The following PRKCH variants were observed in gnomAD, a reference collection of about 807,000 sequenced individuals.
The protein encoded by PRKCH is protein kinase C eta, also known as protein kinase C eta type.
A neutral mutation model predicts 82.5 loss-of-function variants in PRKCH; 28 were observed. The ratio of observed to expected loss-of-function variants is 0.34; its 90% CI spans 0.25 to 0.47. The LOEUF (loss-of-function observed/expected upper bound fraction) is 0.47, where lower values mean the gene tolerates loss of function less well. PRKCH is among the 20% of genes least tolerant of loss of function. The pLI, the probability that PRKCH is intolerant of heterozygous loss-of-function variation, is 1.00. For synonymous variants in PRKCH, 322 were observed against 327.4 expected (o/e 0.98, Z 0.18); for missense variants, 705 against 881.8 (o/e 0.80, Z 2.54).
At chr14:61,335,273 AC>A (rs2045842178) in intron 1 of PRKCH, among the ~76,000 whole-genome samples, 1 of 151,854 alleles carries the variant, frequency 6.6e-6, no homozygotes, top group Non-Finnish European at 1.5e-5. Context: ...AGTTATCTCT[AC>A]CCCCTTCAGT....
At chr14:61,190,724 C>T (rs1182753239) in intron 1 of PRKCH, among the ~76,000 whole-genome samples, 1 of 152,142 alleles carries the variant, frequency 6.6e-6, no homozygotes, top group Non-Finnish European at 1.5e-5. Context: ...CAGGACGCTC[C>T]CCGCTCTGAG....
chr14:61,252,312 G>T (rs1205814041), intron 1 of PRKCH, among the ~76,000 whole-genome samples: 1 of 152,282 alleles, frequency 6.6e-6, no homozygotes, highest in East Asian at 1.9e-4. Flanking sequence ...CTTGCTCTGT[G>T]GGGAGGAAGG....
intron 7 of PRKCH, among the ~76,000 whole-genome samples, chr14:61,456,015 A>G (rs994333209): frequency 6.6e-6 from 1 of 152,232 alleles, no homozygotes; most frequent in African/African-American, 2.4e-5. Flanking sequence ...CTTCAAAATT[A>G]GCACTTTGGC....
At chr14:61,534,223 A>C (rs2043078722) in intron 12 of PRKCH, among the ~76,000 whole-genome samples, 1 of 152,186 alleles carries the variant, frequency 6.6e-6, no homozygotes, top group Non-Finnish European at 1.5e-5. Context: ...TATTTACCCA[A>C]AAGAATTGAA....
intron 9 of PRKCH, among the ~76,000 whole-genome samples, chr14:61,461,409 G>A (rs1034909373): frequency 1.3e-5 from 2 of 152,204 alleles, no homozygotes; most frequent in East Asian, 1.9e-4. Context: ...GGTTTCAAGC[G>A]CCAGCCTCCT....
At chr14:61,241,233 G>A (rs1000037171) in intron 1 of PRKCH, among the ~76,000 whole-genome samples, 4 of 152,190 alleles carry the variant, frequency 2.6e-5, no homozygotes, top group African/African-American at 9.7e-5. Context: ...TGTGAGGAAG[G>A]GGCACAGAAT....
intron 1 of PRKCH, among the ~76,000 whole-genome samples, chr14:61,239,992 G>A (rs1054047527): frequency 1.3e-5 from 2 of 152,082 alleles, no homozygotes; most frequent in African/African-American, 4.8e-5. Flanking sequence ...ATTTCTTTAT[G>A]CATCCAGCAA....
At chr14:61,245,398 C>T (rs1365533007) in intron 1 of PRKCH, among the ~76,000 whole-genome samples, 2 of 152,172 alleles carry the variant, frequency 1.3e-5, no homozygotes, top group Non-Finnish European at 2.9e-5. Context: ...CCTACTCTTA[C>T]CTTGATGCAA....
intron 1 of PRKCH, among the ~76,000 whole-genome samples, chr14:61,342,474 G>A (rs2045941103): frequency 6.6e-6 from 1 of 152,126 alleles, no homozygotes. Context: ...CTGCATATAT[G>A]TGAAGCTAAT....
intron 1 of PRKCH, among the ~76,000 whole-genome samples, chr14:61,297,067 G>A (rs574195795): frequency 6.6e-6 from 1 of 152,204 alleles, no homozygotes; most frequent in East Asian, 1.9e-4. Context: ...TATTATTTCA[G>A]TTCTGATTCC....
At chr14:61,198,930 A>T (rs773536378) in intron 1 of PRKCH, among the ~76,000 whole-genome samples, 9 of 152,074 alleles carry the variant, frequency 5.9e-5, no homozygotes, top group Admixed American at 1.3e-4. Flanking sequence ...AGCCTGTGTC[A>T]CTCATGGACA....
At chr14:61,376,955 T>C (rs2046435211) in intron 1 of PRKCH, among the ~76,000 whole-genome samples, 2 of 152,216 alleles carry the variant, frequency 1.3e-5, no homozygotes, top group Non-Finnish European at 2.9e-5. Flanking sequence ...GGGTAAATTT[T>C]AGAGGTGTAA....
intron 2 of PRKCH, among the ~76,000 whole-genome samples, chr14:61,438,212 CA>C (rs914842868): frequency 6.6e-6 from 1 of 152,132 alleles, no homozygotes; most frequent in Non-Finnish European, 1.5e-5. Flanking sequence ...CAGCCTCAAC[CA>C]CCAAACTCTC....
At chr14:61,368,089 G>A (rs2046320371) in intron 1 of PRKCH, among the ~76,000 whole-genome samples, 1 of 152,004 alleles carries the variant, frequency 6.6e-6, no homozygotes, top group Non-Finnish European at 1.5e-5. Flanking sequence ...AGAGCCTCAT[G>A]AAATGGGATG....
At chr14:61,385,322 C>T (rs376408766) in intron 1 of PRKCH, among the ~76,000 whole-genome samples, 4 of 150,732 alleles carry the variant, frequency 2.7e-5, no homozygotes, top group South Asian at 2.1e-4. Context: ...ACTGGATTTG[C>T]GATCCAGTGA....
chr14:61,230,462 A>T (rs958915896), intron 1 of PRKCH, among the ~76,000 whole-genome samples: 1 of 152,178 alleles, frequency 6.6e-6, no homozygotes, highest in East Asian at 1.9e-4. Context: ...AAAGGGAAAA[A>T]CTGTAATGTG....
chr14:61,292,040 G>A (rs1204419563), intron 1 of PRKCH, among the ~76,000 whole-genome samples: 1 of 152,154 alleles, frequency 6.6e-6, no homozygotes, highest in African/African-American at 2.4e-5. Flanking sequence ...TGGCCCAAGA[G>A]TCCCGGAACT....
chr14:61,486,359 C>T (rs1376359567), intron 10 of PRKCH, among the ~76,000 whole-genome samples: 2 of 152,204 alleles, frequency 1.3e-5, no homozygotes, highest in African/African-American at 4.8e-5. Context: ...TGAGCAGTGT[C>T]CTGCATGATA....
At chr14:61,537,491 C>T (rs1455314728) in intron 12 of PRKCH, 2 of 152,136 alleles carry the variant, frequency 1.3e-5, no homozygotes, top group Admixed American at 6.6e-5. Flanking sequence ...TTTTTTAGGG[C>T]TTCTGAGGTT....
Sources: gnomAD v4.1 joint callset for allele counts (sites outside exome capture counted in the v4.1 genomes callset) on GRCh38, gnomAD v4.1.1 for gene constraint, MANE v1.5 for transcripts, NCBI Gene and HGNC (gene_info 2026-07-23, HGNC 2026-07-21) for gene names.